Variants in PLCB1 observed in about 807,000 individuals in gnomAD.
The protein encoded by PLCB1 is 1-phosphatidylinositol 4,5-bisphosphate phosphodiesterase beta-1.
PLCB1 carries 46 observed loss-of-function variants against 161.8 expected under a neutral mutation model. The ratio of observed to expected loss-of-function variants is 0.28; its 90% CI spans 0.22 to 0.36. The LOEUF (loss-of-function observed/expected upper bound fraction) is 0.36, where lower values mean the gene tolerates loss of function less well. Ranked by LOEUF, PLCB1 falls within the 10% of genes least tolerant of loss-of-function variation. PLCB1 has a pLI of 1.00. For synonymous variants in PLCB1, 517 were observed against 503.7 expected (o/e 1.03, Z -0.35); for missense variants, 1,016 against 1,472.5 (o/e 0.69, Z 5.07).
At chr20:8,514,376 G>T (rs1984021897) in intron 3 of PLCB1, among the ~76,000 whole-genome samples, 1 of 149,834 alleles carries the variant, frequency 6.7e-6, no homozygotes, top group Admixed American at 6.7e-5. Flanking sequence ...GGAGGCGGAG[G>T]TTGTAGTGAG....
In PLCB1 at chr20:8,722,161, G is replaced by GA. The variant is rs11480751; in HGVS notation, c.1514-187dup. On this transcript the variant is annotated intron_variant, in intron 14 of 31. Coordinates refer to ENST00000338037, the MANE Select transcript of PLCB1 (RefSeq NM_015192.4). ...CTATTTATTAACAAATCCAGTTTAG[G>GA]AAAAAATCTATATTCAAAATGTCAG... is the stretch of plus-strand genomic sequence containing the variant. 0.9 allele frequency among the ~76,000 whole-genome samples: 136,291 copies of GA among 152,052 alleles called. 61,139 individuals carry two copies. The highest frequency in any genetic ancestry group is 0.99 in the East Asian group (5,130 of 5,168).
chr20:8,717,917 G>A (rs1272116439), intron 14 of PLCB1, 69 bp downstream of exon 14: 6 of 1,432,960 alleles, frequency 4.2e-6, no homozygotes, highest in East Asian at 2.4e-5. Flanking sequence ...TGGGCTGTGC[G>A]TGGTGGCTCA....
At chr20:8,737,333 C>A in intron 20 of PLCB1, 141 bp downstream of exon 20, 1 of 681,826 alleles carries the variant, frequency 1.5e-6, no homozygotes. Flanking sequence ...GAAAGCCATT[C>A]TGAAAACCCT....
At chr20:8,651,685 C>T (rs545804614) in intron 7 of PLCB1, 121 of 500,768 alleles carry the variant, frequency 2.4e-4, no homozygotes, top group Admixed American at 1.9e-3. Context: ...ACAATAGAGT[C>T]TTCTGGGGAA....
At chr20:8,628,898 A>G (rs985657496) in intron 4 of PLCB1, among the ~76,000 whole-genome samples, 1 of 152,026 alleles carries the variant, frequency 6.6e-6, no homozygotes, top group Non-Finnish European at 1.5e-5. Flanking sequence ...TTGCCACTGC[A>G]CTCCAGCCTG....
rs139138182 is a variant in PLCB1, at chr20:8,802,930, A to G, written c.3423+12669A>G. Among the ~76,000 whole-genome samples, 293 of 152,354 alleles carry G rather than the reference A, an allele frequency of 1.9e-3. 2 individuals carry two copies. The highest frequency in any genetic ancestry group is 6.9e-3 in the African/African-American group (286 of 41,588). On this transcript the variant is annotated intron_variant, in intron 31 of 31. Transcript: ENST00000338037. The stretch of plus-strand genomic sequence containing the variant: ...TTCCAAAGAGTGTGCAATTCTTAGA[A>G]AAAAGAAGCATTCTTGTGATTATAA...
At chr20:8,205,531 G>A (rs760706334) in intron 2 of PLCB1, among the ~76,000 whole-genome samples, 1 of 152,086 alleles carries the variant, frequency 6.6e-6, no homozygotes, top group Non-Finnish European at 1.5e-5. Flanking sequence ...TAAGACAGAA[G>A]GGGAAACAAT....
At chr20:8,246,076 G>C (rs1980861966) in intron 2 of PLCB1, among the ~76,000 whole-genome samples, 1 of 151,904 alleles carries the variant, frequency 6.6e-6, no homozygotes, top group Admixed American at 6.6e-5. Flanking sequence ...ACATGAAATA[G>C]GGTGGTTTAT....
chr20:8,326,853 C>A (rs375226200), intron 2 of PLCB1, among the ~76,000 whole-genome samples: 1 of 152,120 alleles, frequency 6.6e-6, no homozygotes, highest in Admixed American at 6.6e-5. Flanking sequence ...GCTTTCACAG[C>A]GTCCAAATAA....
intron 2 of PLCB1, among the ~76,000 whole-genome samples, chr20:8,342,649 C>A (rs1985851051): frequency 2.0e-5 from 3 of 152,178 alleles, no homozygotes; most frequent in Admixed American, 2.0e-4. Context: ...GGCGCAAGAG[C>A]CAGTCTGCCT....
At chr20:8,356,889 C>G (rs1053396046) in intron 2 of PLCB1, among the ~76,000 whole-genome samples, 6 of 152,088 alleles carry the variant, frequency 3.9e-5, no homozygotes, top group African/African-American at 1.4e-4. Context: ...TTATGGAAGA[C>G]TTTAAGGAAA....
chr20:8,262,865 TGA>T (rs11471091), intron 2 of PLCB1, among the ~76,000 whole-genome samples: 3 of 151,754 alleles, frequency 2.0e-5, no homozygotes, highest in Admixed American at 6.6e-5. Context: ...AGAAAGAGAA[TGA>T]GAGAGAGAGA....
intron 3 of PLCB1, among the ~76,000 whole-genome samples, chr20:8,615,884 C>T (rs557309790): frequency 2.7e-4 from 41 of 152,266 alleles, no homozygotes; most frequent in African/African-American, 9.6e-4. Context: ...GCCCCAAAGG[C>T]ACCTCAGACT....
At chr20:8,195,866 C>T (rs924776403) in intron 2 of PLCB1, among the ~76,000 whole-genome samples, 1 of 152,054 alleles carries the variant, frequency 6.6e-6, no homozygotes, top group Non-Finnish European at 1.5e-5. Flanking sequence ...AGTCGATTCT[C>T]ACACTGGTGT....
chr20:8,546,082 C>T (rs1158867140), intron 3 of PLCB1, among the ~76,000 whole-genome samples: 1 of 151,830 alleles, frequency 6.6e-6, no homozygotes, highest in East Asian at 1.9e-4. Flanking sequence ...TTTGGGAGGC[C>T]GAGGCGGACG....
chr20:8,510,136 T>C (rs980086743), intron 3 of PLCB1, among the ~76,000 whole-genome samples: 2 of 152,146 alleles, frequency 1.3e-5, no homozygotes, highest in South Asian at 4.1e-4. Flanking sequence ...TTTCTGGAAA[T>C]GTAAAAGTAA....
intron 3 of PLCB1, among the ~76,000 whole-genome samples, chr20:8,445,071 T>G (rs1275731550): frequency 6.6e-6 from 1 of 152,216 alleles, no homozygotes; most frequent in Non-Finnish European, 1.5e-5. Context: ...TTTGTCAATT[T>G]TGGCTTTTGT....
At chr20:8,571,137 T>C (rs1986497143) in intron 3 of PLCB1, among the ~76,000 whole-genome samples, 1 of 152,210 alleles carries the variant, frequency 6.6e-6, no homozygotes, top group Admixed American at 6.5e-5. Context: ...CTCATTTGAA[T>C]GTTTTTAGTA....
intron 23 of PLCB1, among the ~76,000 whole-genome samples, chr20:8,745,846 G>T (rs7348131): frequency 0.01 from 1,575 of 152,158 alleles, 20 homozygotes; most frequent in African/African-American, 0.035. Context: ...GTAAACTAAA[G>T]AAATAAAATT....
Sources: allele counts gnomAD v4.1 joint callset (sites outside exome capture counted in the v4.1 genomes callset), GRCh38; gene constraint gnomAD v4.1.1; transcripts MANE v1.5; gene names NCBI Gene and HGNC (gene_info 2026-07-23, HGNC 2026-07-21).